Variants in ASIC2 observed in about 807,000 individuals in gnomAD.
The protein encoded by ASIC2 is acid sensing ion channel subunit 2.
Under a neutral mutation model 57.3 loss-of-function variants are expected in ASIC2, and 25 were observed. That is an observed-to-expected ratio of 0.44 (90% CI 0.32 to 0.61). The LOEUF (loss-of-function observed/expected upper bound fraction) is 0.61, where lower values mean the gene tolerates loss of function less well. Ranked by LOEUF, ASIC2 falls within the 20% of genes least tolerant of loss-of-function variation. ASIC2 has a pLI of 0.06. For synonymous variants in ASIC2, 319 were observed against 307.5 expected, an observed-to-expected ratio of 1.04 and a Z score of -0.39; for missense variants, 641 against 738.1, an observed-to-expected ratio of 0.87 and a Z score of 1.52.
chr17:33,289,759 C>T (rs540520296), intron 1 of ASIC2, among the ~76,000 whole-genome samples: 3 of 152,324 alleles, frequency 2.0e-5, no homozygotes, highest in African/African-American at 7.2e-5. Context: ...TGCAATTCCA[C>T]ACACTTTGCA....
chr17:33,250,280 A>G (rs938645074), intron 1 of ASIC2, among the ~76,000 whole-genome samples: 2 of 152,172 alleles, frequency 1.3e-5, no homozygotes, highest in Non-Finnish European at 2.9e-5. Context: ...ACCCAAAGGG[A>G]GATGTCCCTT....
intron 1 of ASIC2, chr17:33,932,741 A>AAAAAT (rs1555572867): frequency 5.1e-5 from 3 of 58,716 alleles, no homozygotes; most frequent in African/African-American, 1.4e-4. Flanking sequence ...AAAAAAAAAA[A>AAAAAT]ATATATATAT....
At chr17:33,426,784 T>C (rs373065954) in intron 1 of ASIC2, among the ~76,000 whole-genome samples, 1 of 152,182 alleles carries the variant, frequency 6.6e-6, no homozygotes, top group East Asian at 1.9e-4. Flanking sequence ...ATGGAGCTTC[T>C]AGTCTAGTGG....
chr17:33,673,522 A>C (rs1907706574), intron 1 of ASIC2, among the ~76,000 whole-genome samples: 1 of 152,194 alleles, frequency 6.6e-6, no homozygotes, highest in Admixed American at 6.5e-5. Context: ...GGGGAAACTG[A>C]GGCTCAAAAG....
intron 1 of ASIC2, among the ~76,000 whole-genome samples, chr17:34,096,612 T>C (rs1026439248): frequency 2.0e-5 from 3 of 152,046 alleles, no homozygotes; most frequent in Non-Finnish European, 4.4e-5. Context: ...GCCAGCACTT[T>C]GGGAGGCCCA....
At chr17:33,130,462 C>A (rs1483899160) in intron 1 of ASIC2, among the ~76,000 whole-genome samples, 1 of 152,154 alleles carries the variant, frequency 6.6e-6, no homozygotes, top group Non-Finnish European at 1.5e-5. Context: ...AAAACACATA[C>A]ACGCTAATTA....
intron 1 of ASIC2, among the ~76,000 whole-genome samples, chr17:33,404,891 A>T (rs1910413450): frequency 6.6e-6 from 1 of 152,192 alleles, no homozygotes; most frequent in African/African-American, 2.4e-5. Flanking sequence ...GTGACCCAAT[A>T]TAGCAAGTAC....
intron 1 of ASIC2, among the ~76,000 whole-genome samples, chr17:33,892,793 G>A (rs1914997764): frequency 6.6e-6 from 1 of 152,156 alleles, no homozygotes. Flanking sequence ...CATGTTTTGG[G>A]CTAAGGTACA....
chr17:33,484,869 A>G (rs1212508223), intron 1 of ASIC2, among the ~76,000 whole-genome samples: 1 of 152,234 alleles, frequency 6.6e-6, no homozygotes, highest in Non-Finnish European at 1.5e-5. Context: ...GAAATTCTGC[A>G]TAATACACCC....
chr17:33,497,386 G>T (rs1025272054), intron 1 of ASIC2, among the ~76,000 whole-genome samples: 3 of 152,148 alleles, frequency 2.0e-5, no homozygotes, highest in African/African-American at 7.2e-5. Context: ...TCACCTTGGG[G>T]TATATAAATA....
intron 1 of ASIC2, among the ~76,000 whole-genome samples, chr17:33,178,358 G>C (rs1905844417): frequency 6.6e-6 from 1 of 152,178 alleles, no homozygotes; most frequent in African/African-American, 2.4e-5. Flanking sequence ...GTAAACAACT[G>C]TGTGGTATGA....
At chr17:33,872,063 T>C (rs441420) in intron 1 of ASIC2, among the ~76,000 whole-genome samples, 1 of 151,876 alleles carries the variant, frequency 6.6e-6, no homozygotes, top group African/African-American at 2.4e-5. Context: ...CACCATCCCA[T>C]CTCCCTTGCA....
chr17:33,097,956 C>G (rs185176211), intron 2 of ASIC2, among the ~76,000 whole-genome samples: 1 of 152,174 alleles, frequency 6.6e-6, no homozygotes, highest in Non-Finnish European at 1.5e-5. Flanking sequence ...AAGGAAAACA[C>G]GGGCTCTGAA....
chr17:33,251,285 A>T (rs1908872673), intron 1 of ASIC2, among the ~76,000 whole-genome samples: 1 of 152,166 alleles, frequency 6.6e-6, no homozygotes, highest in South Asian at 2.1e-4. Flanking sequence ...AAAGAGTGAA[A>T]ACCAGCTTTA....
At chr17:33,403,307 G>C (rs564477901) in intron 1 of ASIC2, among the ~76,000 whole-genome samples, 1 of 112,328 alleles carries the variant, frequency 8.9e-6, no homozygotes, top group South Asian at 3.0e-4. Flanking sequence ...TGGGCACACA[G>C]CTTCTACCTC....
chr17:34,038,891 A>G lies in ASIC2; in HGVS notation c.555+117087T>C. 7 of 1,612,720 alleles carry G rather than the reference A, an allele frequency of 4.3e-6. No homozygotes were observed. The South Asian group carries it at 6.6e-5, about 15-fold the overall frequency. On this transcript the variant is annotated intron_variant, in intron 1 of 9. Transcript: ENST00000359872. ...TTCTATCTCTTCCCTCTGTGAATTT[A>G]TCCTTTCCTGTTGCTTGATAAGATT...
At chr17:33,708,149 T>C (rs753034057) in intron 1 of ASIC2, among the ~76,000 whole-genome samples, 7 of 152,212 alleles carry the variant, frequency 4.6e-5, no homozygotes, top group Non-Finnish European at 1.0e-4. Context: ...ATTTCTTTTA[T>C]GGAGTTTCAA....
At chr17:33,714,804 A>C (rs1213321610) in intron 1 of ASIC2, among the ~76,000 whole-genome samples, 4 of 129,224 alleles carry the variant, frequency 3.1e-5, no homozygotes, top group Non-Finnish European at 6.4e-5. Context: ...TGATTCTGTG[A>C]CCTTTTTTTT....
chr17:33,077,556 G>A (rs569390809), intron 3 of ASIC2, among the ~76,000 whole-genome samples: 11 of 152,288 alleles, frequency 7.2e-5, no homozygotes, highest in African/African-American at 2.6e-4. Flanking sequence ...GAGAGAGAGG[G>A]AGAGAGACAG....
Sources: allele counts gnomAD v4.1 joint callset (sites outside exome capture counted in the v4.1 genomes callset), GRCh38; gene constraint gnomAD v4.1.1; transcripts MANE v1.5; gene names NCBI Gene and HGNC (gene_info 2026-07-23, HGNC 2026-07-21).